CCKBR: variants seen among roughly 807,000 people sequenced by gnomAD.
The protein encoded by CCKBR is cholecystokinin B receptor, also known as gastrin/cholecystokinin type B receptor.
Under a neutral mutation model 34.6 loss-of-function variants are expected in CCKBR, and 33 were observed. The observed-to-expected ratio is 0.95, with a 90% CI of 0.72 to 1.27. The LOEUF (loss-of-function observed/expected upper bound fraction) is 1.27, where lower values mean the gene tolerates loss of function less well. CCKBR is among the 50% of genes most tolerant of loss of function. The pLI is 0.00. For missense variants in CCKBR, 652 were observed against 617.4 expected, an observed-to-expected ratio of 1.06 and a Z score of -0.59; for synonymous variants, 269 against 267.5, an observed-to-expected ratio of 1.01 and a Z score of -0.06.
Position 6,267,980 on chromosome 11 carries a change from G to A in CCKBR, c.152-1689G>A, listed in dbSNP as rs543114270. ...CTGCCTCAAACTCCTGAGTAGCTATGACTATAGGCACGTATCACCACACCC... is the reference window on the plus strand; with the variant it reads ...CTGCCTCAAACTCCTGAGTAGCTATAACTATAGGCACGTATCACCACACCC... On this transcript the variant is annotated intron_variant, in intron 1 of 4. Transcript: ENST00000334619. Among the ~76,000 whole-genome samples, 3 of 152,236 alleles carry A rather than the reference G, an allele frequency of 2.0e-5. No individual in the cohort carries two copies. The South Asian group carries it at 6.2e-4, about 32-fold the overall frequency.
In CCKBR at chr11:6,259,948, A is replaced by G. The variant is rs1848101734; in HGVS notation, c.20A>G (p.Asn7Ser). 6.6e-7 allele frequency: 1 copy of G among 1,508,664 alleles called. No individual in the cohort carries two copies. 93.5% of individuals were successfully genotyped at this position (1,508,664 alleles called of 1,614,324 possible). A position where few individuals can be genotyped will look rare whatever the true frequency, so the allele number is the denominator to read the frequency against. Reference protein sequence around the residue: MELLKLNRSVQGTGPGP... With the variant: MELLKLSRSVQGTGPGP... Reference sequence around the variant, plus strand: ...GGGGCCATGGAGCTGCTAAAGCTGAACCGGAGCGTGCAGGGAACCGGACCC... The same window carrying G: ...GGGGCCATGGAGCTGCTAAAGCTGAGCCGGAGCGTGCAGGGAACCGGACCC... The change falls in exon 1 of 5, where the codon AAC (asparagine) becomes AGC (serine). Residue 7 changes from asparagine to serine, a missense_variant. Physicochemically the swap from Asn to Ser is conservative, Grantham distance 46 (BLOSUM62 1). Coordinates refer to ENST00000334619, the MANE Select transcript of CCKBR (RefSeq NM_176875.4).
At chr11:6,264,447 C>A in intron 1 of CCKBR, 1 of 630,804 alleles carries the variant, frequency 1.6e-6, no homozygotes, top group Non-Finnish European at 2.9e-6. Context: ...TGGATTTTTG[C>A]ACTCATACTT....
chr11:6,271,626 G>A lies in CCKBR; in HGVS notation c.*83G>A. ...GACATACGAAACACAAACCACAACTGACACAGGAAACCAACACCCAAAGCA... is the reference window on the plus strand; with the variant it reads ...GACATACGAAACACAAACCACAACTAACACAGGAAACCAACACCCAAAGCA... On this transcript the variant is annotated 3_prime_UTR_variant, in exon 5 of 5. Coordinates refer to ENST00000334619, the MANE Select transcript of CCKBR (RefSeq NM_176875.4). 1 of 1,366,154 alleles carries A rather than the reference G, an allele frequency of 7.3e-7. No homozygotes were observed. Among genetic ancestry groups the A allele is most frequent in the South Asian group, 1.4e-5 (1 of 70,112 alleles). The allele number at this position is 1,366,154 out of a possible 1,614,324, so 84.6% of individuals were successfully genotyped here. A position where few individuals can be genotyped will look rare whatever the true frequency, so the allele number is the denominator to read the frequency against.
At chr11:6,268,206 T>C (rs1848237330) in intron 1 of CCKBR, among the ~76,000 whole-genome samples, 2 of 152,278 alleles carry the variant, frequency 1.3e-5, no homozygotes, top group African/African-American at 2.4e-5. Context: ...AAAACATCGT[T>C]ATTCAGTGCA....
At chr11:6,270,936 G>T (rs750156310) in intron 4 of CCKBR, 75 bp from the exon 5 acceptor site, 6 of 1,612,340 alleles carry the variant, frequency 3.7e-6, no homozygotes, top group Admixed American at 1.7e-5. Context: ...AGCTGGGAGC[G>T]GAGGTCAGGT....
intron 1 of CCKBR, chr11:6,264,737 A>ACACACACACACTCG: frequency 2.0e-6 from 1 of 508,806 alleles, no homozygotes; most frequent in Non-Finnish European, 3.5e-6. Context: ...ACACACACAC[A>ACACACACACACTCG]CACACACGCA....
In CCKBR at chr11:6,260,063, C is replaced by T. The variant is rs1340552074; in HGVS notation, c.135C>T (p.Arg45=). ...TCAGCTGCGAGCCCCCTCGCATTCG[C>T]GGAGCCGGGACACGAGGTGGGTGCC... is the stretch of plus-strand genomic sequence containing the variant. ...GNLSCEPPRI[R]GAGTRELELA... is the part of the protein sequence containing the mutation. The change falls in exon 1 of 5, where the codon CGC becomes CGT. Residue 45 remains arginine, a synonymous_variant. Transcript: ENST00000334619. 1.3e-6 allele frequency: 2 copies of T among 1,593,538 alleles called. No individual in the cohort carries two copies. The highest frequency in any genetic ancestry group is 1.7e-5 in the Admixed American group (1 of 58,388).
In CCKBR at chr11:6,259,926, G is replaced by T. The variant is rs527295880; in HGVS notation, c.-3G>T. ...GAGTAAGGCGGCGGGCTCGGCGGGG[G>T]CCATGGAGCTGCTAAAGCTGAACCG... On this transcript the variant is annotated 5_prime_UTR_variant, in exon 1 of 5. Transcript: ENST00000334619. 2 of 1,444,698 alleles carry T rather than the reference G, an allele frequency of 1.4e-6. No individual in the cohort carries two copies. Among genetic ancestry groups the T allele is most frequent in the Admixed American group, 3.4e-5 (1 of 29,634 alleles). 89.5% of individuals were successfully genotyped at this position (1,444,698 alleles called of 1,614,324 possible).
chr11:6,269,176 T>G (rs1848254292), intron 1 of CCKBR, among the ~76,000 whole-genome samples: 1 of 151,552 alleles, frequency 6.6e-6, no homozygotes, highest in African/African-American at 2.4e-5. Context: ...TTTTTGCTTT[T>G]GTTTTTAGAG....
chr11:6,270,979 T>C (rs773278468), intron 4 of CCKBR, 32 bp from the exon 5 acceptor site: 1 of 1,612,664 alleles, frequency 6.2e-7, no homozygotes, highest in Non-Finnish European at 8.5e-7. Context: ...GGGACTCGCC[T>C]TTTTCTCTGA....
intron 4 of CCKBR, 93 bp from the exon 5 acceptor site, chr11:6,270,918 T>C (rs778446474): frequency 3.1e-6 from 5 of 1,611,692 alleles, no homozygotes; most frequent in South Asian, 1.1e-5. Flanking sequence ...AAGCTGGAAA[T>C]GGAGTTGAGC....
Position 6,259,941 on chromosome 11 carries a change from A to G in CCKBR, c.13A>G (p.Lys5Glu). MELL[K>E]LNRSVQGTGP... ...CTCGGCGGGGGCCATGGAGCTGCTA[A>G]AGCTGAACCGGAGCGTGCAGGGAAC... is the stretch of plus-strand genomic sequence containing the variant. Residue 5 changes from lysine (K) to glutamate (E), a missense_variant, in exon 1 of 5, where the codon AAG (lysine) becomes GAG (glutamate). Transcript: ENST00000334619. 1 of 1,485,622 alleles carries G rather than the reference A, an allele frequency of 6.7e-7. No homozygotes were observed. Among genetic ancestry groups the G allele is most frequent in the African/African-American group, 1.5e-5 (1 of 67,670 alleles). 92.0% of individuals were successfully genotyped at this position (1,485,622 alleles called of 1,614,324 possible).
intron 1 of CCKBR, among the ~76,000 whole-genome samples, chr11:6,262,175 T>C (rs572725127): frequency 6.6e-6 from 1 of 152,298 alleles, no homozygotes; most frequent in East Asian, 1.9e-4. Context: ...GGTTACCTAG[T>C]AAGCTGTTGA....
At chr11:6,261,548 G>A (rs1848134076) in intron 1 of CCKBR, among the ~76,000 whole-genome samples, 1 of 147,394 alleles carries the variant, frequency 6.8e-6, no homozygotes, top group Admixed American at 6.9e-5. Context: ...GAGGCAGAAA[G>A]CATCCCAAAT....
At chr11:6,260,703 C>T (rs748045480) in intron 1 of CCKBR, among the ~76,000 whole-genome samples, 1 of 152,180 alleles carries the variant, frequency 6.6e-6, no homozygotes, top group Non-Finnish European at 1.5e-5. Flanking sequence ...TTGGAGCTTT[C>T]GAGGCTCTGT....
intron 1 of CCKBR, among the ~76,000 whole-genome samples, chr11:6,261,462 T>TACACAC (rs60678871): frequency 0.02 from 1,271 of 63,032 alleles, 79 homozygotes; most frequent in East Asian, 0.033. Context: ...AAAATATATA[T>TACACAC]ACACACACAC....
intron 4 of CCKBR, 46 bp downstream of exon 4, chr11:6,270,849 G>C: frequency 6.2e-7 from 1 of 1,613,456 alleles, no homozygotes; most frequent in South Asian, 1.1e-5. Context: ...GCGGAGCTTT[G>C]GAGGGCGACG....
chr11:6,271,677 A>C lies in CCKBR; in HGVS notation c.*134A>C, dbSNP rs141257400. On this transcript the variant is annotated 3_prime_UTR_variant, in exon 5 of 5. Coordinates refer to ENST00000334619, the MANE Select transcript of CCKBR (RefSeq NM_176875.4). ...TGGACTAACCCCAACGCACAGGAAAAGGTAGCTTACCTGACACAAGAGGAA... is the reference window on the plus strand; with the variant it reads ...TGGACTAACCCCAACGCACAGGAAACGGTAGCTTACCTGACACAAGAGGAA... The C allele has an allele frequency of 7.4e-5, 65 of 874,416 alleles. No homozygotes were observed. The highest frequency in any genetic ancestry group is 5.9e-4 in the Middle Eastern group (2 of 3,362). 54.2% of individuals were successfully genotyped at this position (874,416 alleles called of 1,614,324 possible).
intron 1 of CCKBR, among the ~76,000 whole-genome samples, chr11:6,261,448 A>T (rs1472518214): frequency 0.011 from 389 of 34,080 alleles, 28 homozygotes; most frequent in Non-Finnish European, 0.018. Flanking sequence ...AAAAAAAAAA[A>T]AAAAAAATAT....
Sources: allele counts gnomAD v4.1 joint callset (sites outside exome capture counted in the v4.1 genomes callset), GRCh38; gene constraint gnomAD v4.1.1; transcripts MANE v1.5; gene names NCBI Gene and HGNC (gene_info 2026-07-23, HGNC 2026-07-21).